Variants in SERTM1 observed in about 807,000 individuals in gnomAD.
SERTM1 encodes serine-rich and transmembrane domain-containing protein 1.
SERTM1 carries 1 observed loss-of-function variant against 5.5 expected under a neutral mutation model. The ratio of observed to expected loss-of-function variants is 0.18; its 90% CI spans 0.06 to 0.86. SERTM1 has a LOEUF of 0.86. Among genes scored for constraint, SERTM1 ranks in the 40% least tolerant of loss-of-function variants. SERTM1 has a pLI of 0.69. For missense variants in SERTM1, 91 were observed against 122.4 expected (o/e 0.74, Z 1.21); for synonymous variants, 52 against 55.1 (o/e 0.94, Z 0.25).
At chr13:36,676,165 T>C (rs1201832354) in intron 1 of SERTM1, among the ~76,000 whole-genome samples, 1 of 152,148 alleles carries the variant, frequency 6.6e-6, no homozygotes, top group Non-Finnish European at 1.5e-5. Context: ...TTTCTTTTTC[T>C]TTTTTCTTGT....
At chr13:36,678,632 C>A (rs772355310) in intron 1 of SERTM1, among the ~76,000 whole-genome samples, 16 of 144,348 alleles carry the variant, frequency 1.1e-4, no homozygotes, top group Non-Finnish European at 2.0e-4. Context: ...ATGTAACAAA[C>A]CTACACGTCC....
At chr13:36,677,646 G>T (rs1226660308) in intron 1 of SERTM1, among the ~76,000 whole-genome samples, 1 of 152,160 alleles carries the variant, frequency 6.6e-6, no homozygotes, top group Non-Finnish European at 1.5e-5. Flanking sequence ...TGAAACCACA[G>T]TTAAAACACT....
At chr13:36,690,433 A>G (rs1167095744) in intron 1 of SERTM1, among the ~76,000 whole-genome samples, 4 of 152,230 alleles carry the variant, frequency 2.6e-5, no homozygotes, top group African/African-American at 4.8e-5. Context: ...TGCAAGGCCC[A>G]GGGGTAAATG....
intron 1 of SERTM1, among the ~76,000 whole-genome samples, chr13:36,685,976 CTGGG>C (rs1476544683): frequency 6.6e-6 from 1 of 152,194 alleles, no homozygotes; most frequent in Non-Finnish European, 1.5e-5. Context: ...CAAGCTTTGA[CTGGG>C]TGTTTAAACT....
At chr13:36,685,590 AC>A (rs2056735369) in intron 1 of SERTM1, among the ~76,000 whole-genome samples, 1 of 152,162 alleles carries the variant, frequency 6.6e-6, no homozygotes, top group Admixed American at 6.5e-5. Flanking sequence ...TTTTGCCATG[AC>A]TAGCTTCAAT....
intron 1 of SERTM1, among the ~76,000 whole-genome samples, chr13:36,688,625 C>T (rs1289752130): frequency 3.3e-5 from 5 of 152,122 alleles, no homozygotes; most frequent in Non-Finnish European, 7.3e-5. Flanking sequence ...AGATGTTTCT[C>T]TTAATATACT....
rs2056815800 is a variant in SERTM1, at chr13:36,696,615, G to A, written c.*1213G>A. The A allele has an allele frequency of 6.0e-6, 1 of 166,922 alleles. No individual in the cohort carries two copies. Among genetic ancestry groups the A allele is most frequent in the Non-Finnish European group, 1.5e-5 (1 of 68,118 alleles). 10.3% of individuals were successfully genotyped at this position (166,922 alleles called of 1,614,324 possible). On this transcript the variant is annotated 3_prime_UTR_variant, in exon 2 of 2. Coordinates refer to ENST00000315190, the MANE Select transcript of SERTM1 (RefSeq NM_203451.3). The stretch of plus-strand genomic sequence containing the variant: ...GAGTATGTCTGAACTCGGCGGGCGG[G>A]TGGCAGGGGCTGTCTGTGAAATTAG...
At chr13:36,678,200 C>G (rs2056681365) in intron 1 of SERTM1, among the ~76,000 whole-genome samples, 1 of 152,010 alleles carries the variant, frequency 6.6e-6, no homozygotes, top group Admixed American at 6.6e-5. Flanking sequence ...TTCTTTTTGT[C>G]AAAATATAGA....
intron 1 of SERTM1, among the ~76,000 whole-genome samples, chr13:36,684,611 C>T (rs1209846191): frequency 2.0e-5 from 3 of 151,782 alleles, no homozygotes; most frequent in Non-Finnish European, 4.4e-5. Flanking sequence ...CCCTCACTAC[C>T]TCTTTCCTCT....
intron 1 of SERTM1, among the ~76,000 whole-genome samples, chr13:36,679,782 C>T (rs959486219): frequency 3.3e-5 from 5 of 152,082 alleles, no homozygotes; most frequent in South Asian, 2.1e-4. Flanking sequence ...TATTTGTGTG[C>T]GAATAAGTGT....
intron 1 of SERTM1, among the ~76,000 whole-genome samples, chr13:36,680,926 A>C (rs998496398): frequency 6.6e-6 from 1 of 152,234 alleles, no homozygotes; most frequent in Non-Finnish European, 1.5e-5. Context: ...AGAATAAATC[A>C]GGTACCTAGT....
At chr13:36,689,945 C>T (rs2056767455) in intron 1 of SERTM1, among the ~76,000 whole-genome samples, 1 of 152,024 alleles carries the variant, frequency 6.6e-6, no homozygotes, top group African/African-American at 2.4e-5. Flanking sequence ...CCCAAAGCAA[C>T]CTAATGGCCT....
Position 36,696,110 on chromosome 13 carries a change from T to A in SERTM1, c.*708T>A, listed in dbSNP as rs995182910. 1 of 166,904 alleles carries A rather than the reference T, an allele frequency of 6.0e-6. No individual in the cohort carries two copies. Among genetic ancestry groups the A allele is most frequent in the African/African-American group, 2.4e-5 (1 of 41,452 alleles). 10.3% of individuals were successfully genotyped at this position (166,904 alleles called of 1,614,324 possible). A position where few individuals can be genotyped will look rare whatever the true frequency, so the allele number is the denominator to read the frequency against. On this transcript the variant is annotated 3_prime_UTR_variant, in exon 2 of 2. Transcript: ENST00000315190. Reference sequence around the variant, plus strand: ...TTTTGTTTTTCTGCTTATGTTTTAGTCATAATGCCACAAAGTTGTGGAATT... The same window carrying A: ...TTTTGTTTTTCTGCTTATGTTTTAGACATAATGCCACAAAGTTGTGGAATT...
At chr13:36,679,251 T>G (rs902473183) in intron 1 of SERTM1, among the ~76,000 whole-genome samples, 6 of 152,204 alleles carry the variant, frequency 3.9e-5, no homozygotes, top group Non-Finnish European at 8.8e-5. Flanking sequence ...GATGCCACAG[T>G]GCACAGTACC....
intron 1 of SERTM1, among the ~76,000 whole-genome samples, chr13:36,686,188 C>T (rs1401998676): frequency 1.3e-5 from 2 of 152,232 alleles, no homozygotes; most frequent in African/African-American, 4.8e-5. Flanking sequence ...GGCACAGTTT[C>T]CTGGTCATAT....
intron 1 of SERTM1, among the ~76,000 whole-genome samples, chr13:36,690,842 G>A (rs1164538533): frequency 6.6e-6 from 1 of 152,076 alleles, no homozygotes; most frequent in Non-Finnish European, 1.5e-5. Flanking sequence ...TTTCCTCATG[G>A]TTTTGAGAGG....
intron 1 of SERTM1, among the ~76,000 whole-genome samples, chr13:36,694,601 T>C (rs999709843): frequency 3.9e-5 from 6 of 152,224 alleles, no homozygotes; most frequent in Non-Finnish European, 8.8e-5. Flanking sequence ...TCAGAGTGTA[T>C]ACTTGGAGCA....
At chr13:36,679,260 C>A (rs532507963) in intron 1 of SERTM1, among the ~76,000 whole-genome samples, 1 of 152,308 alleles carries the variant, frequency 6.6e-6, no homozygotes, top group African/African-American at 2.4e-5. Flanking sequence ...GTGCACAGTA[C>A]CCTTTTCATC....
intron 1 of SERTM1, among the ~76,000 whole-genome samples, chr13:36,685,195 A>T (rs1479830987): frequency 6.6e-6 from 1 of 152,236 alleles, no homozygotes; most frequent in Admixed American, 6.5e-5. Context: ...TTTATTAACC[A>T]GACTTTTGAG....
Sources: allele counts gnomAD v4.1 joint callset (sites outside exome capture counted in the v4.1 genomes callset), GRCh38; gene constraint gnomAD v4.1.1; transcripts MANE v1.5; gene names NCBI Gene and HGNC (gene_info 2026-07-23, HGNC 2026-07-21).